Variants in EPHA6 observed in about 807,000 individuals in gnomAD.
The protein encoded by EPHA6 is EPH receptor A6.
A neutral mutation model predicts 112.0 loss-of-function variants in EPHA6; 50 were observed. That is an observed-to-expected ratio of 0.45 (90% CI 0.36 to 0.56). The LOEUF is 0.56. EPHA6 is among the 20% of genes least tolerant of loss of function. The pLI is 0.00. For missense variants in EPHA6, 1,280 were observed against 1,417.4 expected (o/e 0.90, Z 1.56); for synonymous variants, 529 against 490.7 (o/e 1.08, Z -1.03).
At position 97,350,088 on chromosome 3, in the gene EPHA6, T is replaced by C. The variant is rs1577058417; in HGVS notation, c.1607-55062T>C. ...ATTTTTAATTTCCTAATGAAAGACATAGCATTGGAGAAAGAGCTTTGTCTT... is the reference window on the plus strand; with the variant it reads ...ATTTTTAATTTCCTAATGAAAGACACAGCATTGGAGAAAGAGCTTTGTCTT... On this transcript the variant is annotated intron_variant, in intron 5 of 17. Coordinates refer to ENST00000389672, the MANE Select transcript of EPHA6 (RefSeq NM_001080448.3). 2.0e-5 allele frequency among the ~76,000 whole-genome samples: 3 copies of C among 152,060 alleles called. 1 individual carries two copies. In the South Asian group the frequency reaches 6.2e-4, roughly 32 times the overall value.
intron 5 of EPHA6, among the ~76,000 whole-genome samples, chr3:97,293,002 T>C (rs2080746384): frequency 6.6e-6 from 1 of 151,680 alleles, no homozygotes; most frequent in Non-Finnish European, 1.5e-5. Flanking sequence ...GTCTAACTCC[T>C]TTCTTCAGGC....
chr3:96,915,543 T>G (rs2107614085), intron 2 of EPHA6, among the ~76,000 whole-genome samples: 1 of 152,228 alleles, frequency 6.6e-6, no homozygotes, highest in Non-Finnish European at 1.5e-5. Flanking sequence ...GACAGTTATT[T>G]ATTGTTATTC....
intron 7 of EPHA6, among the ~76,000 whole-genome samples, chr3:97,457,156 G>T (rs2090717335): frequency 6.6e-6 from 1 of 152,196 alleles, no homozygotes; most frequent in Non-Finnish European, 1.5e-5. Flanking sequence ...TCTGTTGCAT[G>T]GTCATGCACT....
intron 14 of EPHA6, among the ~76,000 whole-genome samples, chr3:97,713,928 G>A (rs998596031): frequency 6.6e-6 from 1 of 152,188 alleles, no homozygotes; most frequent in Non-Finnish European, 1.5e-5. Context: ...GCACTGGGAG[G>A]ACAATGGCAG....
rs149128004 is a variant in EPHA6, at chr3:97,384,516, A to G, written c.1607-20634A>G. Among the ~76,000 whole-genome samples, 1,009 of 152,318 alleles carry G rather than the reference A, an allele frequency of 6.6e-3. 8 individuals are homozygous for G. The highest frequency in any genetic ancestry group is 0.011 in the Non-Finnish European group (742 of 68,022). On this transcript the variant is annotated intron_variant, in intron 5 of 17. Coordinates refer to ENST00000389672, the MANE Select transcript of EPHA6 (RefSeq NM_001080448.3). ...TGTCAATGGTTACTAACATATTTCA[A>G]TGGAGAGGAAACCTAGTATTATTTC...
At chr3:96,926,893 G>C (rs1402134524) in intron 2 of EPHA6, among the ~76,000 whole-genome samples, 6 of 152,158 alleles carry the variant, frequency 3.9e-5, no homozygotes, top group Admixed American at 1.3e-4. Flanking sequence ...AAAGAACAGT[G>C]GCCCTATTGT....
intron 2 of EPHA6, among the ~76,000 whole-genome samples, chr3:96,890,856 C>A (rs111706803): frequency 0.031 from 4,746 of 152,278 alleles, 106 homozygotes; most frequent in Middle Eastern, 0.068. Context: ...GAAGCCAAGG[C>A]AGGTGGATCA....
chr3:97,167,725 A>T (rs1480070991), intron 3 of EPHA6, among the ~76,000 whole-genome samples: 5 of 152,126 alleles, frequency 3.3e-5, no homozygotes, highest in Non-Finnish European at 7.4e-5. Context: ...CATGAGGAAC[A>T]GCCTAATTTA....
chr3:97,358,637 A>T (rs1170754733), intron 5 of EPHA6, among the ~76,000 whole-genome samples: 1 of 151,982 alleles, frequency 6.6e-6, no homozygotes, highest in East Asian at 1.9e-4. Flanking sequence ...ACATGTATTT[A>T]CTTTTATTGA....
At chr3:96,859,671 C>T (rs2035899487) in intron 1 of EPHA6, among the ~76,000 whole-genome samples, 1 of 152,042 alleles carries the variant, frequency 6.6e-6, no homozygotes, top group Admixed American at 6.6e-5. Flanking sequence ...ACAAATTTAG[C>T]AGACATTTCC....
chr3:97,079,164 G>C (rs994449456), intron 3 of EPHA6, among the ~76,000 whole-genome samples: 1 of 151,978 alleles, frequency 6.6e-6, no homozygotes, highest in Non-Finnish European at 1.5e-5. Flanking sequence ...TATGTTCATT[G>C]CAACACTGTT....
At chr3:97,193,168 C>T (rs2077352698) in intron 3 of EPHA6, among the ~76,000 whole-genome samples, 1 of 152,028 alleles carries the variant, frequency 6.6e-6, no homozygotes, top group African/African-American at 2.4e-5. Context: ...TTTTCTACTT[C>T]TGTGAAGAAT....
chr3:97,070,265 T>C (rs560386577), intron 3 of EPHA6, among the ~76,000 whole-genome samples: 1 of 152,248 alleles, frequency 6.6e-6, no homozygotes, highest in South Asian at 2.1e-4. Flanking sequence ...AGGTACTGAG[T>C]GCCTGGAACA....
chr3:97,419,011 A>G (rs2088370492), intron 6 of EPHA6, among the ~76,000 whole-genome samples: 1 of 152,180 alleles, frequency 6.6e-6, no homozygotes, highest in Non-Finnish European at 1.5e-5. Flanking sequence ...ATCTTACTTA[A>G]GAATTTAACA....
At chr3:97,514,509 C>G (rs182851915) in intron 10 of EPHA6, among the ~76,000 whole-genome samples, 8 of 152,088 alleles carry the variant, frequency 5.3e-5, no homozygotes, top group Non-Finnish European at 1.2e-4. Context: ...ATGTAGTCAT[C>G]TTAGGGGAAG....
At chr3:97,609,715 G>C (rs917437530) in intron 12 of EPHA6, among the ~76,000 whole-genome samples, 1 of 151,316 alleles carries the variant, frequency 6.6e-6, no homozygotes, top group African/African-American at 2.4e-5. Flanking sequence ...ACAAGGCTTT[G>C]AGTTCATAAA....
intron 5 of EPHA6, among the ~76,000 whole-genome samples, chr3:97,292,641 G>C (rs2080728765): frequency 6.6e-6 from 1 of 152,236 alleles, no homozygotes; most frequent in African/African-American, 2.4e-5. Flanking sequence ...GGAGACCTGT[G>C]GTGGGTAGCT....
intron 10 of EPHA6, among the ~76,000 whole-genome samples, chr3:97,523,074 C>A (rs2092567963): frequency 6.6e-6 from 1 of 152,042 alleles, no homozygotes; most frequent in East Asian, 1.9e-4. Flanking sequence ...CTGCTAACTT[C>A]ATGCTTTGTT....
At chr3:97,711,187 A>G (rs1359625877) in intron 14 of EPHA6, among the ~76,000 whole-genome samples, 1 of 152,128 alleles carries the variant, frequency 6.6e-6, no homozygotes, top group African/African-American at 2.4e-5. Context: ...GTTTCCCTTC[A>G]CAAGCTCTCT....
Sources: gnomAD v4.1 joint callset for allele counts (sites outside exome capture counted in the v4.1 genomes callset) on GRCh38, gnomAD v4.1.1 for gene constraint, MANE v1.5 for transcripts, NCBI Gene and HGNC (gene_info 2026-07-23, HGNC 2026-07-21) for gene names.